HSD17B11: variants seen among roughly 807,000 people sequenced by gnomAD.
HSD17B11 encodes the protein estradiol 17-beta-dehydrogenase 11.
In HSD17B11, 22 loss-of-function variants were observed where a neutral mutation model predicts 27.8. That is an observed-to-expected ratio of 0.79 (90% CI 0.56 to 1.13). The LOEUF (loss-of-function observed/expected upper bound fraction) is 1.13, where lower values mean the gene tolerates loss of function less well. HSD17B11 is among the 50% of genes most tolerant of loss of function. The pLI, the probability that HSD17B11 is intolerant of heterozygous loss-of-function variation, is 0.00. For synonymous variants in HSD17B11, 117 were observed against 132.8 expected (o/e 0.88, Z 0.82); for missense variants, 314 against 351.1 (o/e 0.89, Z 0.84).
chr4:87,362,752 G>A (rs533797631), intron 4 of HSD17B11, among the ~76,000 whole-genome samples: 2 of 152,222 alleles, frequency 1.3e-5, no homozygotes, highest in African/African-American at 2.4e-5. Context: ...CTGCCTAAAA[G>A]GGGAAACTTG....
intron 4 of HSD17B11, among the ~76,000 whole-genome samples, chr4:87,362,579 G>A (rs1487111439): frequency 6.6e-6 from 1 of 151,990 alleles, no homozygotes; most frequent in Non-Finnish European, 1.5e-5. Context: ...TAGGGGGTTA[G>A]AGGACCCTCT....
rs755298883 is a variant in HSD17B11, at chr4:87,372,733, G to A, written c.533C>T (p.Ser178Leu). 1.3e-5 allele frequency: 21 copies of A among 1,612,018 alleles called. 1 individual carries two copies. Among genetic ancestry groups the A allele is most frequent in the South Asian group, 6.6e-5 (6 of 91,062 alleles). The change falls in exon 4 of 7, where the codon TCG (serine) becomes TTG (leucine). Residue 178 changes from serine (S) to leucine (L), a missense_variant. Coordinates refer to ENST00000358290, the MANE Select transcript of HSD17B11 (RefSeq NM_016245.5). ...CCAGTAAGCCAGTAAGAAGGGGACC[G>A]AGACATGTCCAGCTGCCGAAGCCAC... ...VTVASAAGHV[S>L]VPFLLAYCSS...
intron 4 of HSD17B11, among the ~76,000 whole-genome samples, chr4:87,364,270 GAAAA>G (rs34342374): frequency 8.2e-6 from 1 of 121,426 alleles, no homozygotes. Context: ...CCAGTTTTGG[GAAAA>G]AAAAAAAAAA....
At chr4:87,380,378 C>T (rs1720115747) in intron 2 of HSD17B11, among the ~76,000 whole-genome samples, 1 of 142,998 alleles carries the variant, frequency 7.0e-6, no homozygotes, top group Admixed American at 7.4e-5. Context: ...GAGGCTGAGG[C>T]AGGAGAACTG....
intron 4 of HSD17B11, among the ~76,000 whole-genome samples, chr4:87,367,346 T>C (rs1735630044): frequency 6.6e-6 from 1 of 152,160 alleles, no homozygotes; most frequent in Admixed American, 6.5e-5. Context: ...AGAATGTCAC[T>C]TTCTTACAGG....
At chr4:87,361,711 G>A (rs1459496141) in intron 4 of HSD17B11, among the ~76,000 whole-genome samples, 1 of 152,316 alleles carries the variant, frequency 6.6e-6, no homozygotes, top group East Asian at 1.9e-4. Context: ...AGCTTGCAGT[G>A]AGCTGAGATC....
chr4:87,382,502 T>G (rs1419572940), intron 1 of HSD17B11, 140 bp from the exon 2 acceptor site: 3 of 548,834 alleles, frequency 5.5e-6, no homozygotes, highest in Admixed American at 3.0e-5. Context: ...ACAACACATT[T>G]TTGGCAGGTA....
rs1260957845 is a variant in HSD17B11 at position 87,378,845 on chromosome 4, AATATATATATAAATATATATAAATAT to A, written c.318+3384_318+3409del. Among the ~76,000 whole-genome samples the A allele has an allele frequency of 1.0e-3, 19 of 18,116 alleles. 1 individual carries two copies. Among genetic ancestry groups the A allele is most frequent in the Non-Finnish European group, 1.4e-3 (14 of 10,076 alleles). 11.9% of individuals were successfully genotyped at this position (18,116 alleles called of 152,430 possible). A position where few individuals can be genotyped will look rare whatever the true frequency, so the allele number is the denominator to read the frequency against. On this transcript the variant is annotated intron_variant, in intron 2 of 6. Coordinates refer to ENST00000358290, the MANE Select transcript of HSD17B11 (RefSeq NM_016245.5). ...ATATATATATAAATATATATATATA[AATATATATATAAATATATATAAATAT>A]ATATATATAAATATATATATATAAA...
chr4:87,363,398 G>A (rs900257218), intron 4 of HSD17B11, among the ~76,000 whole-genome samples: 3 of 152,190 alleles, frequency 2.0e-5, no homozygotes, highest in Admixed American at 6.5e-5. Flanking sequence ...TTTGTGCTAT[G>A]AATTCGTTTT....
intron 2 of HSD17B11, among the ~76,000 whole-genome samples, chr4:87,381,186 C>CA (rs58998729): frequency 0.035 from 3,949 of 113,782 alleles, 183 homozygotes; most frequent in African/African-American, 0.1. Context: ...GACTCCATTT[C>CA]AAAAAAAAAA....
intron 4 of HSD17B11, among the ~76,000 whole-genome samples, chr4:87,361,490 G>A (rs570007120): frequency 1.1e-3 from 170 of 152,232 alleles, no homozygotes; most frequent in African/African-American, 4.0e-3. Context: ...GCTTTCGGCC[G>A]GGCATGGTGG....
rs539531095 is a variant in HSD17B11 at position 87,336,805 on chromosome 4, G to C, written c.*471C>G. 18 of 157,884 alleles carry C rather than the reference G, an allele frequency of 1.1e-4. No homozygotes were observed. In the South Asian group the frequency reaches 2.9e-3, roughly 25 times the overall value. 9.8% of individuals were successfully genotyped at this position (157,884 alleles called of 1,614,324 possible). ...ATGGGTAGGATGAAACCTACCCATT[G>C]AGAGTTCATGATATTCATTGTGAAA... On this transcript the variant is annotated 3_prime_UTR_variant, in exon 7 of 7. Transcript: ENST00000358290.
intron 1 of HSD17B11, among the ~76,000 whole-genome samples, chr4:87,382,737 A>G (rs1004479394): frequency 2.0e-5 from 3 of 152,200 alleles, no homozygotes; most frequent in Admixed American, 2.0e-4. Context: ...CATGGATGTC[A>G]GTTTACTGTC....
chr4:87,376,368 GGTGGTGTAC>G (rs1326115362), intron 2 of HSD17B11, among the ~76,000 whole-genome samples: 3 of 151,956 alleles, frequency 2.0e-5, no homozygotes, highest in Admixed American at 6.6e-5. Context: ...AGTGGGGCAT[GGTGGTGTAC>G]GCCTGTAATC....
chr4:87,346,701 TA>T (rs1484990051), intron 5 of HSD17B11, among the ~76,000 whole-genome samples: 5 of 152,066 alleles, frequency 3.3e-5, no homozygotes, highest in Non-Finnish European at 7.4e-5. Context: ...AATTTAATGA[TA>T]AAAATATCAT....
chr4:87,390,521 ACT>A (rs1238043384), intron 1 of HSD17B11, among the ~76,000 whole-genome samples: 1 of 152,200 alleles, frequency 6.6e-6, no homozygotes, highest in South Asian at 2.1e-4. Flanking sequence ...CAAGCTTCTT[ACT>A]CTTTTAATAT....
At chr4:87,381,760 C>CAAAA (rs33982875) in intron 2 of HSD17B11, among the ~76,000 whole-genome samples, 1 of 132,756 alleles carries the variant, frequency 7.5e-6, no homozygotes, top group African/African-American at 2.8e-5. Context: ...CCCCCCATCT[C>CAAAA]AAAAAAAAAA....
At chr4:87,343,669 T>A (rs1735215263) in intron 5 of HSD17B11, among the ~76,000 whole-genome samples, 1 of 150,674 alleles carries the variant, frequency 6.6e-6, no homozygotes, top group Admixed American at 6.6e-5. Flanking sequence ...TGCTTCAGCC[T>A]CCCAAGTAGC....
At chr4:87,362,505 AAC>A (rs527475381) in intron 4 of HSD17B11, among the ~76,000 whole-genome samples, 69 of 152,352 alleles carry the variant, frequency 4.5e-4, no homozygotes, top group Non-Finnish European at 8.5e-4. Flanking sequence ...CAGCCTGGCC[AAC>A]AGAGCGAGAC....
Sources: gnomAD v4.1 joint callset for allele counts (sites outside exome capture counted in the v4.1 genomes callset) on GRCh38, gnomAD v4.1.1 for gene constraint, MANE v1.5 for transcripts, NCBI Gene and HGNC (gene_info 2026-07-23, HGNC 2026-07-21) for gene names.